Variants in TNFAIP8L1 observed in about 807,000 individuals in gnomAD.
The protein encoded by TNFAIP8L1 is TNF alpha induced protein 8 like 1, also known as tumor necrosis factor alpha-induced protein 8-like protein 1.
For synonymous variants in TNFAIP8L1, 127 were observed against 125.6 expected (o/e 1.01, Z -0.08); for missense variants, 225 against 266.1 (o/e 0.85, Z 1.08).
intron 1 of TNFAIP8L1, among the ~76,000 whole-genome samples, chr19:4,650,641 T>C (rs1053577298): frequency 5.9e-5 from 9 of 151,826 alleles, no homozygotes; most frequent in African/African-American, 2.2e-4. Context: ...CCTCGAGAGC[T>C]GGCCAGGCTC....
chr19:4,640,507 A>G (rs576517037), intron 1 of TNFAIP8L1: 2 of 152,358 alleles, frequency 1.3e-5, no homozygotes, highest in African/African-American at 4.8e-5. Flanking sequence ...GCTTGGACCA[A>G]TCTAGGTTTG....
chr19:4,639,812 G>A (rs1386478284), intron 1 of TNFAIP8L1, 183 bp downstream of exon 1: 1 of 152,698 alleles, frequency 6.5e-6, no homozygotes, highest in Non-Finnish European at 1.5e-5. Context: ...GACAGATTGA[G>A]TCTCAATTGC....
rs972815354 is a variant in TNFAIP8L1, at chr19:4,652,334, C to T, written c.465C>T (p.Phe155=). Residue 155 remains phenylalanine (F), a synonymous_variant, in exon 2 of 2, where the codon TTC becomes TTT. Coordinates refer to ENST00000327473, the MANE Select transcript of TNFAIP8L1 (RefSeq NM_152362.3). Reference sequence around the variant, plus strand: ...TCGGCCACCTAGCCGACTGCGACTTCCTGGCTGCGCTCTACGGCCCCGCCG... The same window carrying T: ...TCGGCCACCTAGCCGACTGCGACTTTCTGGCTGCGCTCTACGGCCCCGCCG... ...HVFGHLADCD[F]LAALYGPAEP... The T allele has an allele frequency of 6.4e-7, 1 of 1,554,426 alleles. No individual in the cohort carries two copies. Among genetic ancestry groups the T allele is most frequent in the African/African-American group, 1.4e-5 (1 of 73,256 alleles).
rs772269882 is a variant in TNFAIP8L1 at position 4,652,153 on chromosome 19, G to A, written c.284G>A (p.Arg95His). The A allele has an allele frequency of 1.0e-5, 16 of 1,560,524 alleles. No homozygotes were observed. The highest frequency in any genetic ancestry group is 1.4e-5 in the African/African-American group (1 of 73,462). The part of the protein sequence containing the change: ...ALLRRFRHRA[R>H]CLAMTAVSFH... ...CTGCGGCGCTTCCGCCACCGGGCGCGCTGCCTGGCCATGACGGCCGTCAGC... is the reference window on the plus strand; with the variant it reads ...CTGCGGCGCTTCCGCCACCGGGCGCACTGCCTGGCCATGACGGCCGTCAGC... Residue 95 changes from arginine to histidine, a missense_variant, in exon 2 of 2, where the codon CGC (arginine) becomes CAC (histidine). Physicochemically the swap from Arg to His is conservative, Grantham distance 29. Transcript: ENST00000327473.
intron 1 of TNFAIP8L1, among the ~76,000 whole-genome samples, chr19:4,650,706 T>A (rs1428201737): frequency 1.3e-5 from 2 of 152,124 alleles, no homozygotes; most frequent in African/African-American, 4.8e-5. Flanking sequence ...CAAGTCAATG[T>A]TTCCCTGTTG....
chr19:4,649,840 C>T (rs898418565), intron 1 of TNFAIP8L1, among the ~76,000 whole-genome samples: 3 of 152,190 alleles, frequency 2.0e-5, no homozygotes, highest in Admixed American at 6.5e-5. Flanking sequence ...CAGCAATTCC[C>T]GTGCCTGCCC....
intron 1 of TNFAIP8L1, among the ~76,000 whole-genome samples, chr19:4,647,504 G>T (rs1290558405): frequency 3.3e-5 from 5 of 150,776 alleles, no homozygotes; most frequent in African/African-American, 9.8e-5. Context: ...TAGAGATAAG[G>T]TTTCACCATG....
At chr19:4,649,725 C>T (rs2088344685) in intron 1 of TNFAIP8L1, among the ~76,000 whole-genome samples, 1 of 152,260 alleles carries the variant, frequency 6.6e-6, no homozygotes, top group Non-Finnish European at 1.5e-5. Flanking sequence ...ATCGCTGACT[C>T]AGGGTCTGCC....
Position 4,651,976 on chromosome 19 carries a change from G to C in TNFAIP8L1, c.107G>C (p.Ser36Thr), listed in dbSNP as rs935476632. 4.3e-6 allele frequency: 7 copies of C among 1,614,174 alleles called. No individual in the cohort carries two copies. The highest frequency in any genetic ancestry group is 5.9e-6 in the Non-Finnish European group (7 of 1,180,018). ...GCCGTGCTGGTGGATGACACCAGCA[G>C]TGAGGTGCTGGATGAGCTGTACCGC... is the stretch of plus-strand genomic sequence containing the variant. ...VVAVLVDDTSSEVLDELYRAT... is the reference protein window; with the variant it reads ...VVAVLVDDTSTEVLDELYRAT... Residue 36 changes from serine to threonine, a missense_variant, in exon 2 of 2, where the codon AGT becomes ACT. Physicochemically the swap from Ser to Thr is moderately conservative, Grantham distance 58. Coordinates refer to ENST00000327473, the MANE Select transcript of TNFAIP8L1 (RefSeq NM_152362.3).
intron 1 of TNFAIP8L1, among the ~76,000 whole-genome samples, chr19:4,650,726 T>A (rs763820335): frequency 5.9e-5 from 9 of 152,108 alleles, no homozygotes; most frequent in Non-Finnish European, 1.2e-4. Context: ...GGAGGAATCA[T>A]CGGAGCCATG....
At chr19:4,644,170 G>T (rs2088288464) in intron 1 of TNFAIP8L1, among the ~76,000 whole-genome samples, 1 of 152,016 alleles carries the variant, frequency 6.6e-6, no homozygotes, top group Non-Finnish European at 1.5e-5. Context: ...GCAGTGAGCT[G>T]AGATCATGCC....
In TNFAIP8L1 at chr19:4,652,449, C is replaced by G; in HGVS notation, c.*19C>G. On this transcript the variant is annotated 3_prime_UTR_variant, in exon 2 of 2. Coordinates refer to ENST00000327473, the MANE Select transcript of TNFAIP8L1 (RefSeq NM_152362.3). ...CCTCTGAACCCCGGCGCCGCCCAAC[C>G]GCGCCCCTCGCGCCTTTTGGGGCTC... The G allele has an allele frequency of 4.1e-6, 6 of 1,480,038 alleles. No individual in the cohort carries two copies. Among genetic ancestry groups the G allele is most frequent in the Non-Finnish European group, 5.4e-6 (6 of 1,112,414 alleles). The allele number at this position is 1,480,038 out of a possible 1,614,324, so 91.7% of individuals were successfully genotyped here.
Position 4,641,035 on chromosome 19 carries a change from C to CGGG in TNFAIP8L1, c.-4+1413_-4+1415dup, listed in dbSNP as rs151142237. On this transcript the variant is annotated intron_variant, in intron 1 of 1. Coordinates refer to ENST00000327473, the MANE Select transcript of TNFAIP8L1 (RefSeq NM_152362.3). The surrounding 1 kb of genome is among the most constrained non-coding windows in gnomAD (Gnocchi z 4.6). ...TGGACCCCTGCAGGGAATATGGGGC[C>CGGG]GGGGGGGGGACTTGAACCCTGCTCC... 2.7e-5 allele frequency: 2 copies of CGGG among 73,566 alleles called. No individual in the cohort carries two copies. The highest frequency in any genetic ancestry group is 5.9e-5 in the Non-Finnish European group (2 of 34,136). The allele number at this position is 73,566 out of a possible 1,614,324, so 4.6% of individuals were successfully genotyped here.
intron 1 of TNFAIP8L1, 87 bp from the exon 2 acceptor site, chr19:4,651,780 C>A (rs2088366363): frequency 1.4e-6 from 2 of 1,395,340 alleles, no homozygotes; most frequent in Admixed American, 2.3e-5. Flanking sequence ...TTCCGTTAGG[C>A]CCTCTGGGGT....
In TNFAIP8L1 at chr19:4,652,473, T is replaced by A; in HGVS notation, c.*43T>A. ...CCGCGCCCCTCGCGCCTTTTGGGGC[T>A]CTCCTGCTGGGCGCGGGTGGGGTTT... is the stretch of plus-strand genomic sequence containing the variant. On this transcript the variant is annotated 3_prime_UTR_variant, in exon 2 of 2. Transcript: ENST00000327473. 6.9e-7 allele frequency: 1 copy of A among 1,458,100 alleles called. No homozygotes were observed. Among genetic ancestry groups the A allele is most frequent in the Non-Finnish European group, 9.1e-7 (1 of 1,101,612 alleles). 90.3% of individuals were successfully genotyped at this position (1,458,100 alleles called of 1,614,324 possible).
chr19:4,647,609 CTTTTTTT>C (rs57985958), intron 1 of TNFAIP8L1, among the ~76,000 whole-genome samples: 25 of 80,564 alleles, frequency 3.1e-4, no homozygotes, highest in East Asian at 4.2e-4. Flanking sequence ...GTGCACCTGG[CTTTTTTT>C]TTTTTTTTTT....
chr19:4,640,473 G>C (rs1452330212), intron 1 of TNFAIP8L1: 1 of 152,252 alleles, frequency 6.6e-6, no homozygotes, highest in Non-Finnish European at 1.5e-5. Flanking sequence ...GAGGCCCCAG[G>C]GGGGCCAGCC....
rs1364083100 is a variant in TNFAIP8L1, at chr19:4,652,355, C to T, written c.486C>T (p.Pro162=). The T allele has an allele frequency of 1.7e-5, 27 of 1,555,170 alleles. No homozygotes were observed. The highest frequency in any genetic ancestry group is 5.5e-5 in the African/African-American group (4 of 73,314). The change falls in exon 2 of 2, where the codon CCC becomes CCT. Residue 162 remains proline, a synonymous_variant. Coordinates refer to ENST00000327473, the MANE Select transcript of TNFAIP8L1 (RefSeq NM_152362.3). ...ACTTCCTGGCTGCGCTCTACGGCCC[C>T]GCCGAGCCCTACCGCTCCCACCTGC... is the stretch of plus-strand genomic sequence containing the variant. ...DCDFLAALYG[P]AEPYRSHLRR...
chr19:4,641,616 C>T lies in TNFAIP8L1; in HGVS notation c.-4+1987C>T, dbSNP rs2088261916. ...CAGTTTCCCCATCTGTCCAATGGGG[C>T]TGGTCATCTCCTTTTTCTTGTGGGG... On this transcript the variant is annotated intron_variant, in intron 1 of 1. Coordinates refer to ENST00000327473, the MANE Select transcript of TNFAIP8L1 (RefSeq NM_152362.3). This position sits in a 1 kb window ranked among gnomAD's most constrained non-coding sequence, Gnocchi z 4.6. 1 of 152,142 alleles carries T rather than the reference C, an allele frequency of 6.6e-6. No homozygotes were observed. The highest frequency in any genetic ancestry group is 2.4e-5 in the African/African-American group (1 of 41,392). 9.4% of individuals were successfully genotyped at this position (152,142 alleles called of 1,614,324 possible). A position where few individuals can be genotyped will look rare whatever the true frequency, so the allele number is the denominator to read the frequency against.
Sources: allele counts gnomAD v4.1 joint callset (sites outside exome capture counted in the v4.1 genomes callset), GRCh38; gene constraint gnomAD v4.1.1; non-coding constraint Gnocchi (gnomAD v3.1); transcripts MANE v1.5; gene names NCBI Gene and HGNC (gene_info 2026-07-23, HGNC 2026-07-21).